EPSTI1: variants seen among roughly 807,000 people sequenced by gnomAD.
EPSTI1 encodes the protein epithelial stromal interaction 1.
A neutral mutation model predicts 49.9 loss-of-function variants in EPSTI1; 66 were observed. That is an observed-to-expected ratio of 1.32 (90% CI 1.08 to 1.62). The LOEUF (loss-of-function observed/expected upper bound fraction) is 1.62. Ranked by LOEUF, EPSTI1 falls within the 40% of genes most tolerant of loss-of-function variation. The pLI is 0.00. For synonymous variants in EPSTI1, 137 were observed against 130.7 expected (o/e 1.05, Z -0.33); for missense variants, 394 against 365.5 (o/e 1.08, Z -0.64).
intron 10 of EPSTI1, among the ~76,000 whole-genome samples, chr13:42,889,638 T>C (rs1266022508): frequency 1.3e-5 from 2 of 152,234 alleles, no homozygotes; most frequent in Non-Finnish European, 2.9e-5. Flanking sequence ...TTCAAATATA[T>C]TGATATAATT....
At chr13:42,947,319 G>A (rs1467735835) in intron 6 of EPSTI1, among the ~76,000 whole-genome samples, 2 of 151,878 alleles carry the variant, frequency 1.3e-5, no homozygotes, top group East Asian at 3.9e-4. Flanking sequence ...AAAGTACTTA[G>A]TATTGCCAAC....
At chr13:42,956,662 T>C (rs1454100334) in intron 5 of EPSTI1, among the ~76,000 whole-genome samples, 1 of 152,214 alleles carries the variant, frequency 6.6e-6, no homozygotes. Flanking sequence ...ACCGCCTGGA[T>C]GGAGAATTGG....
intron 5 of EPSTI1, among the ~76,000 whole-genome samples, chr13:42,954,448 T>C (rs4942183): frequency 0.31 from 47,061 of 152,046 alleles, 7,677 homozygotes; most frequent in East Asian, 0.51. Flanking sequence ...CTAAAGTATT[T>C]GAGAAGAGAT....
In EPSTI1 at chr13:42,915,255, G is replaced by C. The variant is rs182443472; in HGVS notation, c.741+2286C>G. 1.5e-3 allele frequency among the ~76,000 whole-genome samples: 233 copies of C among 152,336 alleles called. 1 individual carries two copies. Among genetic ancestry groups the C allele is most frequent in the African/African-American group, 5.3e-3 (221 of 41,580 alleles). ...ACAAATAAAGAAATGCCTTTGGCCA[G>C]GTGCGGTGGCTCATGCCTGTAATCC... On this transcript the variant is annotated intron_variant, in intron 8 of 10. Transcript: ENST00000313624.
chr13:42,939,342 G>T (rs9567070), intron 6 of EPSTI1, among the ~76,000 whole-genome samples: 12,460 of 152,198 alleles, frequency 0.082, 696 homozygotes, highest in East Asian at 0.27. Context: ...GCTAACTAAT[G>T]CAAGAGGTCT....
At chr13:42,933,260 C>G (rs2038438459) in intron 6 of EPSTI1, among the ~76,000 whole-genome samples, 1 of 144,360 alleles carries the variant, frequency 6.9e-6, no homozygotes, top group South Asian at 2.2e-4. Flanking sequence ...AACTATTTTT[C>G]TACTATTTTT....
chr13:42,952,794 C>T, intron 6 of EPSTI1, among the ~76,000 whole-genome samples: 1 of 152,216 alleles, frequency 6.6e-6, no homozygotes, highest in East Asian at 1.9e-4. Context: ...TGCTAAGGAG[C>T]AAAGCAGAGG....
intron 7 of EPSTI1, 102 bp from the exon 8 acceptor site, chr13:42,917,726 C>G (rs751538485): frequency 2.5e-6 from 2 of 798,562 alleles, no homozygotes; most frequent in Non-Finnish European, 2.0e-6. Flanking sequence ...GTGCTAATAA[C>G]TCAACCTCCG....
intron 9 of EPSTI1, among the ~76,000 whole-genome samples, chr13:42,900,047 G>C (rs1470396316): frequency 6.6e-6 from 1 of 152,094 alleles, no homozygotes; most frequent in Admixed American, 6.5e-5. Context: ...GAACACACAA[G>C]AACATGAGTC....
chr13:42,979,360 C>T (rs1032600625), intron 1 of EPSTI1, among the ~76,000 whole-genome samples: 7 of 151,986 alleles, frequency 4.6e-5, no homozygotes, highest in Non-Finnish European at 8.8e-5. Context: ...GGGTGGATCA[C>T]GAGGTCAGGA....
chr13:42,985,859 C>G (rs1430298368), intron 1 of EPSTI1, among the ~76,000 whole-genome samples: 2 of 152,164 alleles, frequency 1.3e-5, no homozygotes, highest in Non-Finnish European at 1.5e-5. Context: ...AATGGACAAC[C>G]CCAGATTTTC....
intron 8 of EPSTI1, among the ~76,000 whole-genome samples, chr13:42,903,385 G>A (rs1274538244): frequency 2.0e-5 from 3 of 152,152 alleles, no homozygotes; most frequent in African/African-American, 7.2e-5. Flanking sequence ...ACACATGGAT[G>A]GGGACAACAC....
intron 6 of EPSTI1, among the ~76,000 whole-genome samples, chr13:42,945,684 A>G (rs1167053387): frequency 6.6e-6 from 1 of 152,234 alleles, no homozygotes. Context: ...AGGGGGTGAC[A>G]AGAAATCACA....
chr13:42,925,450 G>T (rs957832115), intron 7 of EPSTI1, among the ~76,000 whole-genome samples: 1 of 151,984 alleles, frequency 6.6e-6, no homozygotes, highest in Non-Finnish European at 1.5e-5. Flanking sequence ...ACTGTGTGGG[G>T]GCATTTCTAG....
At chr13:42,963,978 T>C in intron 4 of EPSTI1, 88 bp downstream of exon 4, 1 of 1,181,818 alleles carries the variant, frequency 8.5e-7, no homozygotes, top group Non-Finnish European at 1.2e-6. Context: ...ATACTTTTGG[T>C]AAAGTTACTG....
chr13:42,965,677 C>CTGCATTTTTAAGAGTCTGAGGGTCTTAT (rs1271025263), intron 3 of EPSTI1, among the ~76,000 whole-genome samples: 8 of 30,724 alleles, frequency 2.6e-4, no homozygotes, highest in South Asian at 2.1e-3. Context: ...GCTGGAGTCC[C>CTGCATTTTTAAGAGTCTGAGGGTCTTAT]TGTCCCTCTC....
intron 5 of EPSTI1, among the ~76,000 whole-genome samples, chr13:42,956,001 C>T (rs1288817262): frequency 6.6e-6 from 1 of 151,816 alleles, no homozygotes; most frequent in Non-Finnish European, 1.5e-5. Flanking sequence ...AATACAGCTA[C>T]GAACAGAGAA....
intron 10 of EPSTI1, among the ~76,000 whole-genome samples, chr13:42,889,840 C>G (rs1458817318): frequency 6.6e-6 from 1 of 151,954 alleles, no homozygotes; most frequent in African/African-American, 2.4e-5. Context: ...TTACAAAATC[C>G]TTTCTCAGCT....
chr13:42,948,548 C>T (rs1199953540), intron 6 of EPSTI1, among the ~76,000 whole-genome samples: 1 of 151,142 alleles, frequency 6.6e-6, no homozygotes, highest in East Asian at 1.9e-4. Context: ...ATGACCATAG[C>T]TCACTGTAAC....
Sources: allele counts gnomAD v4.1 joint callset (sites outside exome capture counted in the v4.1 genomes callset), GRCh38; gene constraint gnomAD v4.1.1; transcripts MANE v1.5; gene names NCBI Gene and HGNC (gene_info 2026-07-23, HGNC 2026-07-21).